The following INPP5F variants were observed in gnomAD, a reference collection of about 807,000 sequenced individuals.
INPP5F encodes inositol polyphosphate-5-phosphatase F.
Under a neutral mutation model 137.2 loss-of-function variants are expected in INPP5F, and 97 were observed. The observed-to-expected ratio is 0.71, with a 90% CI of 0.60 to 0.84. The LOEUF is 0.84. Ranked by LOEUF, INPP5F falls within the 40% of genes least tolerant of loss-of-function variation. The pLI is 0.00. For missense variants in INPP5F, 1,271 were observed against 1,371.9 expected (o/e 0.93, Z 1.16); for synonymous variants, 504 against 476.9 (o/e 1.06, Z -0.74).
intron 2 of INPP5F, among the ~76,000 whole-genome samples, chr10:119,771,849 T>G (rs1431943169): frequency 2.8e-3 from 14 of 4,992 alleles, no homozygotes; most frequent in African/African-American, 8.0e-3. Context: ...TATGGAGATA[T>G]ATATATATAT....
chr10:119,737,324 C>T (rs1848244563), intron 1 of INPP5F, among the ~76,000 whole-genome samples: 1 of 152,200 alleles, frequency 6.6e-6, no homozygotes, highest in Non-Finnish European at 1.5e-5. Flanking sequence ...CATCATCTTT[C>T]AGTCAGACTA....
At chr10:119,811,643 A>T (rs972038961) in intron 14 of INPP5F, 114 bp from the exon 15 acceptor site, 5 of 781,680 alleles carry the variant, frequency 6.4e-6, no homozygotes, top group African/African-American at 3.5e-5. Context: ...ACAAAGATTT[A>T]TGCTTGTGTT....
At chr10:119,806,524 C>G (rs758514504) in intron 12 of INPP5F, 44 bp downstream of exon 12, 2 of 1,507,422 alleles carry the variant, frequency 1.3e-6, no homozygotes, top group Non-Finnish European at 8.9e-7. Context: ...TTTCGAAATG[C>G]TTTTTTTTTC....
rs141753788 is a variant in INPP5F, at chr10:119,817,933, G to C, written c.1887-2913G>C. Reference sequence around the variant, plus strand: ...CCAGTACCTCACTCACCTCACTGCAGTCCCAGCTGCGTTTAAATATCTGGT... The same window carrying C: ...CCAGTACCTCACTCACCTCACTGCACTCCCAGCTGCGTTTAAATATCTGGT... On this transcript the variant is annotated intron_variant, in intron 15 of 19. Coordinates refer to ENST00000650623, the MANE Select transcript of INPP5F (RefSeq NM_014937.4). Among the ~76,000 whole-genome samples the C allele has an allele frequency of 2.3e-3, 356 of 152,342 alleles. 17 individuals are homozygous for C. The South Asian group carries it at 0.071, about 30-fold the overall frequency.
In INPP5F at chr10:119,796,046, T is replaced by C. The variant is rs1850367801; in HGVS notation, c.670-669T>C. Reference sequence around the variant, plus strand: ...GGCAGCAGTACCGTCCAGCTTCGGCTGGGCATCAGAGGGAGACCGTGGGGA... The same window carrying C: ...GGCAGCAGTACCGTCCAGCTTCGGCCGGGCATCAGAGGGAGACCGTGGGGA... On this transcript the variant is annotated intron_variant, in intron 6 of 19. Coordinates refer to ENST00000650623, the MANE Select transcript of INPP5F (RefSeq NM_014937.4). 3.9e-5 allele frequency among the ~76,000 whole-genome samples: 3 copies of C among 77,516 alleles called. No homozygotes were observed. The South Asian group carries it at 1.4e-3, about 36-fold the overall frequency. 50.9% of individuals were successfully genotyped at this position (77,516 alleles called of 152,430 possible).
chr10:119,814,526 C>T (rs544129593), intron 15 of INPP5F: 16 of 152,348 alleles, frequency 1.1e-4, no homozygotes, highest in Admixed American at 1.0e-3. Flanking sequence ...GCCAGTGCAT[C>T]CTTCCTGTTT....
At chr10:119,732,061 T>C (rs549298217) in intron 1 of INPP5F, among the ~76,000 whole-genome samples, 2 of 141,512 alleles carry the variant, frequency 1.4e-5, no homozygotes, top group African/African-American at 5.3e-5. Context: ...TTTTTTTTAG[T>C]GTAGACAGCC....
intron 16 of INPP5F, among the ~76,000 whole-genome samples, chr10:119,821,686 T>C (rs1409233412): frequency 6.6e-6 from 1 of 151,046 alleles, no homozygotes; most frequent in Non-Finnish European, 1.5e-5. Flanking sequence ...TGTTTCTCTT[T>C]CTGTCTTTCT....
At chr10:119,796,591 G>A in intron 6 of INPP5F, 124 bp from the exon 7 acceptor site, 2 of 811,622 alleles carry the variant, frequency 2.5e-6, no homozygotes, top group Non-Finnish European at 4.3e-6. Context: ...CAGAAAATAT[G>A]GTTGAATAAT....
At chr10:119,781,237 T>G (rs1849690313) in intron 2 of INPP5F, among the ~76,000 whole-genome samples, 2 of 152,232 alleles carry the variant, frequency 1.3e-5, no homozygotes, top group African/African-American at 4.8e-5. Context: ...ACTGGACTGA[T>G]TAAAGGTAAG....
At chr10:119,821,724 A>ATCTCTGCCTCCCTCCG (rs1851569812) in intron 16 of INPP5F, among the ~76,000 whole-genome samples, 1 of 117,520 alleles carries the variant, frequency 8.5e-6, no homozygotes, top group Non-Finnish European at 1.9e-5. Flanking sequence ...CCCTCCCTTC[A>ATCTCTGCCTCCCTCCG]TCTCTGCCTC....
At chr10:119,729,353 G>T (rs1847983605) in intron 1 of INPP5F, among the ~76,000 whole-genome samples, 1 of 152,008 alleles carries the variant, frequency 6.6e-6, no homozygotes, top group Non-Finnish European at 1.5e-5. Context: ...CGCCATGTCG[G>T]CCAGGCTGGT....
intron 2 of INPP5F, among the ~76,000 whole-genome samples, chr10:119,771,341 G>A (rs1338244074): frequency 6.6e-6 from 1 of 151,594 alleles, no homozygotes; most frequent in Non-Finnish European, 1.5e-5. Context: ...ACTATGTTTT[G>A]TCTGTTCCTT....
At position 119,804,270 on chromosome 10, in the gene INPP5F, AC is replaced by A. The variant is rs1162263320; in HGVS notation, c.1215del (p.Tyr405Ter). ...VLLFNNSHLT[Y>X]VSFDFHEHCR... ...CTTTTCAACAACTCACACCTCACTT[AC>A]GTTTCGTTTGACTTCCATGAGCACT... On this transcript the variant is annotated frameshift_variant, in exon 10 of 20. Coordinates refer to ENST00000650623, the MANE Select transcript of INPP5F (RefSeq NM_014937.4). LOFTEE classifies it high-confidence loss of function. The A allele has an allele frequency of 3.1e-6, 5 of 1,611,902 alleles. No homozygotes were observed. The highest frequency in any genetic ancestry group is 1.1e-5 in the South Asian group (1 of 90,676).
At chr10:119,786,851 A>G (rs1287883178) in intron 3 of INPP5F, among the ~76,000 whole-genome samples, 2 of 152,142 alleles carry the variant, frequency 1.3e-5, no homozygotes, top group African/African-American at 4.8e-5. Context: ...AGAAAAAATC[A>G]CTTTTAAGAG....
chr10:119,819,698 A>C, intron 15 of INPP5F: 7 of 437,892 alleles, frequency 1.6e-5, no homozygotes, highest in Non-Finnish European at 2.8e-5. Context: ...TTGGCATCTC[A>C]TTATGTCATT....
At chr10:119,752,607 A>G (rs1422192110) in intron 2 of INPP5F, among the ~76,000 whole-genome samples, 4 of 151,598 alleles carry the variant, frequency 2.6e-5, no homozygotes, top group Non-Finnish European at 5.9e-5. Flanking sequence ...AAAAAAAGAA[A>G]TGAAATATGA....
rs533559741 is a variant in INPP5F at position 119,804,318 on chromosome 10, T to C, written c.1241+21T>C. ...CACTGGTAAGATGGCTTTCGGAGAA[T>C]AGTGTTGATCAATTGCAGTGTTTTT... On this transcript the variant is annotated intron_variant, in intron 10 of 19. Transcript: ENST00000650623. 8.8e-6 allele frequency: 14 copies of C among 1,594,386 alleles called. No homozygotes were observed. In the East Asian group the frequency reaches 2.5e-4, roughly 28 times the overall value.
In INPP5F at chr10:119,827,393, A is replaced by G. The variant is rs764088007; in HGVS notation, c.3012A>G (p.Thr1004=). 6.2e-7 allele frequency: 1 copy of G among 1,614,226 alleles called. No homozygotes were observed. Among genetic ancestry groups the G allele is most frequent in the South Asian group, 1.1e-5 (1 of 91,086 alleles). ...CAAATGAAACCCAATCAGAATCAAC[A>G]GAACAGACACCTTCTCGGCCATCGC... ...QVSNETQSES[T]EQTPSRPSQL... Residue 1004 remains threonine, a synonymous_variant, in exon 20 of 20, where the codon ACA becomes ACG. Coordinates refer to ENST00000650623, the MANE Select transcript of INPP5F (RefSeq NM_014937.4).
Sources: gnomAD v4.1 joint callset for allele counts (sites outside exome capture counted in the v4.1 genomes callset) on GRCh38, gnomAD v4.1.1 for gene constraint, MANE v1.5 for transcripts, NCBI Gene and HGNC (gene_info 2026-07-23, HGNC 2026-07-21) for gene names.